Variants in FGF14 observed in about 807,000 individuals in gnomAD.
FGF14 encodes fibroblast growth factor homologous factor 4.
FGF14 carries 5 observed loss-of-function variants against 25.5 expected under a neutral mutation model. The observed-to-expected ratio is 0.20, with a 90% confidence interval of 0.10 to 0.41. FGF14 has a LOEUF of 0.41. Ranked by LOEUF, FGF14 falls within the 10% of genes least tolerant of loss-of-function variation. FGF14 has a pLI of 1.00. For missense variants in FGF14, 222 were observed against 320.1 expected, an observed-to-expected ratio of 0.69 and a Z score of 2.34; for synonymous variants, 138 against 118.3, an observed-to-expected ratio of 1.17 and a Z score of -1.08.
rs533656908 is a variant in FGF14, at chr13:102,000,508, A to G, written c.209-125212T>C. On this transcript the variant is annotated intron_variant, in intron 1 of 4. Coordinates refer to the FGF14 transcript ENST00000376131. The stretch of plus-strand genomic sequence containing the variant: ...CTCTAGGTGATAATATTGCAGGTAA[A>G]TTGGCCTCATTTATAGTTTTGTGAT... Among the ~76,000 whole-genome samples, 308 of 152,320 alleles carry G rather than the reference A, an allele frequency of 2.0e-3. 1 individual carries two copies. Among genetic ancestry groups the G allele is most frequent in the African/African-American group, 7.0e-3 (289 of 41,560 alleles).
intron 1 of FGF14, among the ~76,000 whole-genome samples, chr13:101,935,455 A>C (rs2035036391): frequency 6.6e-6 from 1 of 152,180 alleles, no homozygotes; most frequent in Admixed American, 6.5e-5. Flanking sequence ...GTGTCATGGG[A>C]AAAACAGGTG....
intron 1 of FGF14, among the ~76,000 whole-genome samples, chr13:102,394,090 T>C (rs1396334168): frequency 6.6e-6 from 1 of 152,158 alleles, no homozygotes; most frequent in Non-Finnish European, 1.5e-5. Context: ...CCAGAAAACT[T>C]CAGGACCCGC....
At chr13:102,200,859 T>C (rs1452098425) in intron 1 of FGF14, among the ~76,000 whole-genome samples, 5 of 151,858 alleles carry the variant, frequency 3.3e-5, no homozygotes, top group Non-Finnish European at 7.4e-5. Flanking sequence ...TCCCAGCACA[T>C]TGGGAGGACA....
intron 3 of FGF14, among the ~76,000 whole-genome samples, chr13:101,780,462 A>G (rs1230397093): frequency 2.0e-5 from 3 of 152,156 alleles, no homozygotes; most frequent in Non-Finnish European, 2.9e-5. Context: ...CACTATGCCA[A>G]TGTCAATCTA....
At chr13:101,913,929 A>C (rs2033210558) in intron 1 of FGF14, among the ~76,000 whole-genome samples, 1 of 151,896 alleles carries the variant, frequency 6.6e-6, no homozygotes, top group Admixed American at 6.6e-5. Context: ...CATGTTTGTG[A>C]GCTCCATGAT....
At chr13:102,135,295 C>T (rs1566730616) in intron 1 of FGF14, among the ~76,000 whole-genome samples, 1 of 152,100 alleles carries the variant, frequency 6.6e-6, no homozygotes, top group East Asian at 1.9e-4. Context: ...TTCATGAACA[C>T]AGCATTGTCT....
At chr13:102,134,471 G>A (rs895886351) in intron 1 of FGF14, among the ~76,000 whole-genome samples, 1 of 152,198 alleles carries the variant, frequency 6.6e-6, no homozygotes, top group Admixed American at 6.5e-5. Flanking sequence ...ATACCTCCAC[G>A]GGAATCAGTA....
chr13:102,378,784 G>A (rs2058106741), intron 1 of FGF14, among the ~76,000 whole-genome samples: 1 of 151,974 alleles, frequency 6.6e-6, no homozygotes, highest in Non-Finnish European at 1.5e-5. Context: ...AGTTCATATA[G>A]TGCTGTCTTT....
At chr13:101,733,187 T>G (rs1046314576) in intron 3 of FGF14, among the ~76,000 whole-genome samples, 9 of 152,106 alleles carry the variant, frequency 5.9e-5, no homozygotes, top group African/African-American at 2.2e-4. Flanking sequence ...TTATATAAAG[T>G]TGTATGTAGT....
intron 1 of FGF14, among the ~76,000 whole-genome samples, chr13:102,356,952 CACAA>C (rs1044338740): frequency 1.5e-4 from 22 of 142,582 alleles, no homozygotes; most frequent in African/African-American, 5.0e-4. Context: ...TATATATACA[CACAA>C]ACAGATATTC....
At chr13:101,934,825 G>A (rs1483963715) in intron 1 of FGF14, among the ~76,000 whole-genome samples, 1 of 152,196 alleles carries the variant, frequency 6.6e-6, no homozygotes, top group African/African-American at 2.4e-5. Context: ...ACTGTCTGCC[G>A]GGTGAGTATT....
intron 1 of FGF14, among the ~76,000 whole-genome samples, chr13:102,187,335 T>C (rs915579658): frequency 6.6e-6 from 1 of 152,204 alleles, no homozygotes; most frequent in African/African-American, 2.4e-5. Flanking sequence ...AAAATGTTCA[T>C]ATACTCTTGT....
chr13:101,835,340 C>T (rs1293369638), intron 3 of FGF14, among the ~76,000 whole-genome samples: 1 of 151,994 alleles, frequency 6.6e-6, no homozygotes, highest in Non-Finnish European at 1.5e-5. Flanking sequence ...TGAAACTGGA[C>T]AGTTGCACAT....
intron 1 of FGF14, among the ~76,000 whole-genome samples, chr13:102,350,170 T>G (rs967168727): frequency 1.3e-5 from 2 of 152,114 alleles, no homozygotes; most frequent in African/African-American, 4.8e-5. Flanking sequence ...GAGTTTGACA[T>G]CAATCTGAGC....
chr13:101,912,770 AAAGTATTTTTATGTCT>A (rs2033078848), intron 1 of FGF14, among the ~76,000 whole-genome samples: 1 of 152,194 alleles, frequency 6.6e-6, no homozygotes, highest in African/African-American at 2.4e-5. Flanking sequence ...TAAAATTTGA[AAAGTATTTTTATGTCT>A]AAAATTATCT....
chr13:101,714,507 G>A lies in FGF14; in HGVS notation c.*8324C>T, dbSNP rs777668485. The A allele has an allele frequency of 6.2e-7, 1 of 1,612,112 alleles. No homozygotes were observed. The highest frequency in any genetic ancestry group is 1.7e-5 in the Admixed American group (1 of 60,024). ...TATATTTCTGGGGAGTTCTGTGACT[G>A]TGATGACAGAGACTGCGACAAACAT... On this transcript the variant is annotated 3_prime_UTR_variant, in exon 5 of 5. Transcript: ENST00000376143.
intron 1 of FGF14, among the ~76,000 whole-genome samples, chr13:102,355,369 G>A (rs2057392738): frequency 6.6e-6 from 1 of 151,972 alleles, no homozygotes; most frequent in Admixed American, 6.6e-5. Flanking sequence ...ATCTATAGTT[G>A]GTTGGATGCT....
intron 3 of FGF14, among the ~76,000 whole-genome samples, chr13:101,785,618 TCTATTAA>T (rs1039538551): frequency 5.3e-5 from 8 of 152,090 alleles, no homozygotes; most frequent in Non-Finnish European, 1.0e-4. Context: ...TATCTATTTA[TCTATTAA>T]CTATTATCAA....
intron 1 of FGF14, among the ~76,000 whole-genome samples, chr13:102,077,895 T>C (rs1318527396): frequency 6.6e-6 from 1 of 152,156 alleles, no homozygotes; most frequent in Non-Finnish European, 1.5e-5. Context: ...TAAGTACCCA[T>C]GAACAAATGA....
Sources: allele counts gnomAD v4.1 joint callset (sites outside exome capture counted in the v4.1 genomes callset), GRCh38; gene constraint gnomAD v4.1.1; transcripts MANE v1.5; gene names NCBI Gene and HGNC (gene_info 2026-07-23, HGNC 2026-07-21).